ARID3C: variants seen among roughly 807,000 people sequenced by gnomAD.
ARID3C encodes the protein AT-rich interaction domain 3C.
ARID3C carries 42 observed loss-of-function variants against 37.9 expected under a neutral mutation model. The observed-to-expected ratio is 1.11, with a 90% CI of 0.87 to 1.43. The LOEUF is 1.43. Among genes scored for constraint, ARID3C ranks in the 40% most tolerant of loss-of-function variants. The pLI, the probability that ARID3C is intolerant of heterozygous loss-of-function variation, is 0.00. For missense variants in ARID3C, 581 were observed against 548.8 expected (o/e 1.06, Z -0.59); for synonymous variants, 213 against 228.0 (o/e 0.93, Z 0.59).
chr9:34,624,429 A>G (rs1820627162), intron 2 of ARID3C, among the ~76,000 whole-genome samples: 1 of 152,248 alleles, frequency 6.6e-6, no homozygotes, highest in South Asian at 2.1e-4. Context: ...CTATTTAAAC[A>G]AGTAAAAACC....
chr9:34,623,747 G>C (rs745706625), intron 3 of ARID3C, 33 bp from the exon 5 acceptor site: 85 of 1,509,342 alleles, frequency 5.6e-5, no homozygotes, highest in Non-Finnish European at 7.2e-5. Flanking sequence ...GAGTGTATGG[G>C]AGGCTGCACC....
At chr9:34,627,663 G>A (rs1377987874) in intron 1 of ARID3C, 34 bp downstream of exon 2, 1 of 1,546,582 alleles carries the variant, frequency 6.5e-7, no homozygotes, top group East Asian at 2.3e-5. Flanking sequence ...GAGAGATAGG[G>A]AAGAGGGCCG....
downstream of ARID3C, chr9:34,621,279 C>T: frequency 2.1e-6 from 1 of 487,070 alleles, no homozygotes; most frequent in East Asian, 3.5e-5. Context: ...GGTGCCCTCC[C>T]TTTACAATGA....
intron 2 of ARID3C, among the ~76,000 whole-genome samples, chr9:34,624,628 A>C (rs1402124310): frequency 6.6e-6 from 1 of 151,556 alleles, no homozygotes; most frequent in African/African-American, 2.4e-5. Context: ...CGGCCCGCCG[A>C]CTCCGCAGCC....
chr9:34,622,455 C>T, exon 5 of ARID3C: 1 of 1,614,088 alleles, frequency 6.2e-7, no homozygotes, highest in Non-Finnish European at 8.5e-7. Flanking sequence ...TCCTCTGGTG[C>T]CAATTTCTCC....
At chr9:34,622,191 G>C in intron 5 of ARID3C, 82 bp from the exon 7 acceptor site, 2 of 1,580,020 alleles carry the variant, frequency 1.3e-6, no homozygotes. Context: ...CTCCATCCCC[G>C]TAGACAGCCC....
chr9:34,630,546 G>A (rs1042416434), upstream of ARID3C, among the ~76,000 whole-genome samples: 2 of 152,054 alleles, frequency 1.3e-5, no homozygotes, highest in South Asian at 2.1e-4. Context: ...ATCCAAACAC[G>A]ACCTTTGTCT....
chr9:34,621,962 A>G, intron 6 of ARID3C, 58 bp downstream of exon 7: 1 of 1,532,342 alleles, frequency 6.5e-7, no homozygotes, highest in Non-Finnish European at 9.0e-7. Context: ...TAAAATCCCC[A>G]TGCCAGCCTA....
Position 34,628,076 on chromosome 9 carries a change from G to A in ARID3C, c.-62C>T, listed in dbSNP as rs529775548. The A allele has an allele frequency of 6.3e-6, 9 of 1,439,714 alleles. No homozygotes were observed. The highest frequency in any genetic ancestry group is 2.5e-5 in the East Asian group (1 of 39,972). The allele number at this position is 1,439,714 out of a possible 1,614,324, so 89.2% of individuals were successfully genotyped here. ...CCCTGGTACCAGGCGGGACCCCGAGGAAAGGGCCGCCTGTGGGGGAGGGAA... is the reference window on the plus strand; with the variant it reads ...CCCTGGTACCAGGCGGGACCCCGAGAAAAGGGCCGCCTGTGGGGGAGGGAA... On this transcript the variant is annotated 5_prime_UTR_variant, in exon 1 of 7. Transcript: ENST00000378909. The surrounding 1 kb of genome is among the most constrained non-coding windows in gnomAD (Gnocchi z 5.2).
chr9:34,622,164 T>G, intron 5 of ARID3C, 55 bp from the exon 7 acceptor site: 1 of 1,597,870 alleles, frequency 6.3e-7, no homozygotes, highest in Non-Finnish European at 8.6e-7. Flanking sequence ...TTCTGACTTA[T>G]TAATAGAATT....
At chr9:34,631,895 G>A (rs910435811), upstream of ARID3C, among the ~76,000 whole-genome samples, 1 of 152,214 alleles carries the variant, frequency 6.6e-6, no homozygotes, top group Non-Finnish European at 1.5e-5. Flanking sequence ...CTTGGCAGGG[G>A]GCCTGTTCCC....
upstream of ARID3C, among the ~76,000 whole-genome samples, chr9:34,632,784 G>A (rs1820733957): frequency 6.6e-6 from 1 of 152,166 alleles, no homozygotes; most frequent in South Asian, 2.1e-4. Context: ...TGGTGGTGGT[G>A]TGGGGCTGGG....
chr9:34,621,789 G>T (rs567756497), intron 6 of ARID3C, among the ~76,000 whole-genome samples: 1 of 152,210 alleles, frequency 6.6e-6, no homozygotes, highest in Non-Finnish European at 1.5e-5. Flanking sequence ...ATAGGCCCAA[G>T]ACAAGGCAGA....
At chr9:34,621,695 G>C (rs1820564947) in intron 6 of ARID3C, 137 bp from the exon 8 acceptor site, 1 of 690,564 alleles carries the variant, frequency 1.4e-6, no homozygotes, top group East Asian at 2.8e-5. Context: ...AAACCAATGA[G>C]GACAAGCTCC....
chr9:34,621,895 T>G, intron 6 of ARID3C, 125 bp downstream of exon 7: 1 of 982,864 alleles, frequency 1.0e-6, no homozygotes, highest in Non-Finnish European at 1.6e-6. Flanking sequence ...TCCCCTGAAC[T>G]CCATGTTACT....
chr9:34,621,570 G>T lies in ARID3C; in HGVS notation c.1139-12C>A. ...GGCAAAGAGGACACCTGGCAAAGGG[G>T]TGAGGAGATGGTAGAGGGCAAAAAC... On this transcript the variant is annotated splice_polypyrimidine_tract_variant and intron_variant, in intron 6 of 6. Coordinates refer to ENST00000378909, the Ensembl canonical transcript of ARID3C. 5.1e-6 allele frequency: 8 copies of T among 1,572,038 alleles called. No homozygotes were observed. Among genetic ancestry groups the T allele is most frequent in the Admixed American group, 2.0e-5 (1 of 49,124 alleles).
upstream of ARID3C, among the ~76,000 whole-genome samples, chr9:34,628,996 C>T (rs559838991): frequency 2.6e-5 from 4 of 152,058 alleles, no homozygotes; most frequent in African/African-American, 9.6e-5. This position sits in a 1 kb window ranked among gnomAD's most constrained non-coding sequence, Gnocchi z 5.2. Context: ...GCCCTGGCCT[C>T]GGCTGGGTCC....
chr9:34,631,718 C>A (rs1489138334), upstream of ARID3C, among the ~76,000 whole-genome samples: 1 of 152,194 alleles, frequency 6.6e-6, no homozygotes, highest in Non-Finnish European at 1.5e-5. Context: ...CATAATTTAG[C>A]AGCTTAAAAC....
In ARID3C at chr9:34,623,917, G is replaced by A. The variant is rs779950126; in HGVS notation, c.522C>T (p.Arg174=). The A allele has an allele frequency of 6.9e-6, 11 of 1,600,432 alleles. No individual in the cohort carries two copies. The South Asian group carries it at 8.9e-5, about 13-fold the overall frequency. ...TGATGGTGGTGGGTAGGCTGAGGCC[G>A]CGCGTGACTTCCCGCCACACTTTGC... The change falls in exon 3 of 7, where the codon CGC becomes CGT. Residue 174 remains arginine, a synonymous_variant. Coordinates refer to ENST00000378909, the Ensembl canonical transcript of ARID3C.
Sources: allele counts gnomAD v4.1 joint callset (sites outside exome capture counted in the v4.1 genomes callset), GRCh38; gene constraint gnomAD v4.1.1; non-coding constraint Gnocchi (gnomAD v3.1); transcripts MANE v1.5; gene names NCBI Gene and HGNC (gene_info 2026-07-23, HGNC 2026-07-21).